The following FAM78B variants were observed in gnomAD, a reference collection of about 807,000 sequenced individuals.
FAM78B encodes the protein protein FAM78B.
In FAM78B, 10 loss-of-function variants were observed where a neutral mutation model predicts 20.0. The ratio of observed to expected loss-of-function variants is 0.50; its 90% CI spans 0.31 to 0.85. FAM78B has a LOEUF of 0.85. Among genes scored for constraint, FAM78B ranks in the 40% least tolerant of loss-of-function variants. The pLI is 0.05. For synonymous variants in FAM78B, 135 were observed against 132.8 expected (o/e 1.02, Z -0.12); for missense variants, 283 against 345.0 (o/e 0.82, Z 1.42).
intron 1 of FAM78B, among the ~76,000 whole-genome samples, chr1:166,147,093 C>T (rs896152456): frequency 3.3e-5 from 5 of 152,160 alleles, no homozygotes; most frequent in South Asian, 2.1e-4. Context: ...GGAGATAATC[C>T]GAAAGAGCCT....
chr1:166,060,433 C>A, exon 3 of FAM78B: 1 of 421,342 alleles, frequency 2.4e-6, no homozygotes, highest in South Asian at 1.8e-5. Context: ...GCCAAGCAGG[C>A]AGCCCAATCA....
At chr1:166,056,279 CGT>C (rs1009341948), downstream of FAM78B, among the ~76,000 whole-genome samples, 16 of 148,760 alleles carry the variant, frequency 1.1e-4, no homozygotes, top group Admixed American at 6.1e-4. Flanking sequence ...TGTGTGTGTG[CGT>C]GTGTAGAGAG....
intron 1 of FAM78B, among the ~76,000 whole-genome samples, chr1:166,135,258 GTATAAAC>G (rs1265436934): frequency 2.0e-5 from 3 of 152,220 alleles, no homozygotes; most frequent in East Asian, 1.9e-4. Context: ...GGGCAGGAAT[GTATAAAC>G]TATAAAGTAT....
At chr1:166,128,602 G>A (rs1654728796) in intron 1 of FAM78B, among the ~76,000 whole-genome samples, 1 of 152,240 alleles carries the variant, frequency 6.6e-6, no homozygotes, top group Admixed American at 6.5e-5. Context: ...TCAGAAAATA[G>A]AGGAGAGAAG....
At chr1:166,120,144 C>G (rs1654413866) in intron 1 of FAM78B, among the ~76,000 whole-genome samples, 3 of 152,226 alleles carry the variant, frequency 2.0e-5, no homozygotes, top group African/African-American at 7.2e-5. Flanking sequence ...TATTGAGAAT[C>G]TATCTGTGCC....
intron 1 of FAM78B, among the ~76,000 whole-genome samples, chr1:166,139,104 T>C (rs1655179707): frequency 6.6e-6 from 1 of 152,156 alleles, no homozygotes; most frequent in African/African-American, 2.4e-5. Flanking sequence ...CAGAAATTTT[T>C]CTAGCTAGCC....
chr1:166,165,071 G>A (rs956840042), intron 1 of FAM78B: 3 of 152,196 alleles, frequency 2.0e-5, no homozygotes, highest in African/African-American at 7.2e-5. Flanking sequence ...AGGAGCCGCG[G>A]CGATCCTTGG....
At chr1:166,120,623 G>A (rs556272509) in intron 1 of FAM78B, among the ~76,000 whole-genome samples, 2 of 152,316 alleles carry the variant, frequency 1.3e-5, no homozygotes, top group South Asian at 4.1e-4. Context: ...TGGATAACAG[G>A]GGTCCTAAAG....
intron 1 of FAM78B, among the ~76,000 whole-genome samples, chr1:166,149,043 A>G (rs1655581630): frequency 6.6e-6 from 1 of 152,016 alleles, no homozygotes; most frequent in South Asian, 2.1e-4. Flanking sequence ...CCAGTCTATC[A>G]TTGTTGGACA....
At chr1:166,141,745 A>G (rs949238620) in intron 1 of FAM78B, among the ~76,000 whole-genome samples, 1 of 152,222 alleles carries the variant, frequency 6.6e-6, no homozygotes, top group Non-Finnish European at 1.5e-5. Flanking sequence ...TGGCTACCCA[A>G]TGCACAGTCC....
At chr1:166,079,909 A>T (rs912580384) in intron 1 of FAM78B, among the ~76,000 whole-genome samples, 5 of 152,206 alleles carry the variant, frequency 3.3e-5, no homozygotes, top group Non-Finnish European at 5.9e-5. Context: ...GGACAGTTCC[A>T]ACCTGGAATG....
intron 1 of FAM78B, among the ~76,000 whole-genome samples, chr1:166,108,666 A>T (rs1653879950): frequency 6.6e-6 from 1 of 152,150 alleles, no homozygotes; most frequent in Non-Finnish European, 1.5e-5. Flanking sequence ...ACAATCCTAA[A>T]ATTCATACGG....
downstream of FAM78B, among the ~76,000 whole-genome samples, chr1:166,067,324 CTGAT>C: frequency 6.6e-6 from 1 of 152,178 alleles, no homozygotes; most frequent in East Asian, 1.9e-4. Context: ...CTCAAAGGAC[CTGAT>C]TAAGAAAACT....
At chr1:166,115,745 T>C (rs1243210314) in intron 1 of FAM78B, among the ~76,000 whole-genome samples, 1 of 152,194 alleles carries the variant, frequency 6.6e-6, no homozygotes, top group Non-Finnish European at 1.5e-5. Flanking sequence ...CCAGAGGAGA[T>C]GACACCAAAG....
chr1:166,155,908 C>T (rs995527251), intron 1 of FAM78B, among the ~76,000 whole-genome samples: 6 of 152,240 alleles, frequency 3.9e-5, no homozygotes, highest in African/African-American at 1.4e-4. Context: ...GAGGGCAAAG[C>T]AACATCTAAT....
At chr1:166,144,311 TG>T (rs1225807133) in intron 1 of FAM78B, among the ~76,000 whole-genome samples, 1 of 151,196 alleles carries the variant, frequency 6.6e-6, no homozygotes, top group East Asian at 2.0e-4. Flanking sequence ...GGTCTAGAAA[TG>T]GGCCCGATTT....
chr1:166,080,006 T>C (rs1390922756), intron 1 of FAM78B, among the ~76,000 whole-genome samples: 2 of 152,194 alleles, frequency 1.3e-5, no homozygotes, highest in Non-Finnish European at 1.5e-5. Flanking sequence ...CACGTCTACT[T>C]TGTACATCAA....
rs1651953468 is a variant in FAM78B, at chr1:166,069,977, C to T, written c.*264G>A. 4 of 1,185,156 alleles carry T rather than the reference C, an allele frequency of 3.4e-6. No homozygotes were observed. The South Asian group carries it at 1.3e-4, about 38-fold the overall frequency. 73.4% of individuals were successfully genotyped at this position (1,185,156 alleles called of 1,614,324 possible). A position where few individuals can be genotyped will look rare whatever the true frequency, so the allele number is the denominator to read the frequency against. On this transcript the variant is annotated 3_prime_UTR_variant, in exon 2 of 2. Coordinates refer to ENST00000354422, the MANE Select transcript of FAM78B (RefSeq NM_001017961.5). ...CAGATAAAAGAATCATCCTGGTCAG[C>T]TCCAAAATATGGCTACTTGCATGGT...
At chr1:166,117,674 T>C (rs141681431) in intron 1 of FAM78B, among the ~76,000 whole-genome samples, 1 of 152,342 alleles carries the variant, frequency 6.6e-6, no homozygotes, top group African/African-American at 2.4e-5. Flanking sequence ...TATAGGTACA[T>C]GGAAGGCACT....
Sources: gnomAD v4.1 joint callset for allele counts (sites outside exome capture counted in the v4.1 genomes callset) on GRCh38, gnomAD v4.1.1 for gene constraint, MANE v1.5 for transcripts, NCBI Gene and HGNC (gene_info 2026-07-23, HGNC 2026-07-21) for gene names.